Variants in MARCHF1 observed in about 807,000 individuals in gnomAD.
MARCHF1 encodes the protein membrane associated ring-CH-type finger 1.
In MARCHF1, 40 loss-of-function variants were observed where a neutral mutation model predicts 54.2. The observed-to-expected ratio is 0.74, with a 90% CI of 0.57 to 0.96. MARCHF1 has a LOEUF of 0.96. Ranked by LOEUF, MARCHF1 falls within the 40% of genes least tolerant of loss-of-function variation. MARCHF1 has a pLI of 0.00. For synonymous variants in MARCHF1, 236 were observed against 236.3 expected, an observed-to-expected ratio of 1.00 and a Z score of 0.01; for missense variants, 586 against 656.5, an observed-to-expected ratio of 0.89 and a Z score of 1.17.
chr4:164,179,744 ACTCTC>A (rs1579599881), intron 1 of MARCHF1, among the ~76,000 whole-genome samples: 4 of 151,726 alleles, frequency 2.6e-5, no homozygotes, highest in East Asian at 1.9e-4. Flanking sequence ...GTAGTTAATT[ACTCTC>A]CATCTGGCAA....
At chr4:164,074,616 A>G (rs1161107232) in intron 2 of MARCHF1, among the ~76,000 whole-genome samples, 5 of 152,164 alleles carry the variant, frequency 3.3e-5, no homozygotes, top group Non-Finnish European at 7.3e-5. Flanking sequence ...AATAAAGAAA[A>G]TGAAATACCA....
intron 1 of MARCHF1, among the ~76,000 whole-genome samples, chr4:164,138,679 C>T (rs1756456333): frequency 6.6e-6 from 1 of 152,110 alleles, no homozygotes; most frequent in African/African-American, 2.4e-5. Context: ...CCTCTACTTG[C>T]CTTGGTGATC....
At chr4:163,780,745 T>C (rs909492468) in intron 4 of MARCHF1, among the ~76,000 whole-genome samples, 2 of 152,212 alleles carry the variant, frequency 1.3e-5, no homozygotes, top group African/African-American at 4.8e-5. Context: ...CAAATAAACT[T>C]TTCTTCTTCT....
At chr4:163,602,970 CA>C (rs1171269194) in intron 7 of MARCHF1, among the ~76,000 whole-genome samples, 1 of 152,008 alleles carries the variant, frequency 6.6e-6, no homozygotes, top group Non-Finnish European at 1.5e-5. Flanking sequence ...AACTTTCTCA[CA>C]ATTAGAGACT....
At chr4:164,121,479 A>G (rs553629505) in intron 1 of MARCHF1, among the ~76,000 whole-genome samples, 2 of 152,206 alleles carry the variant, frequency 1.3e-5, no homozygotes, top group East Asian at 1.9e-4. Context: ...GTGCTGAGCA[A>G]AGGGGGAAAA....
At position 164,199,895 on chromosome 4, in the gene MARCHF1, G is replaced by C. The variant is rs111405876; in HGVS notation, c.-322-88233C>G. On this transcript the variant is annotated intron_variant, in intron 1 of 9. Transcript: ENST00000514618. ...TATGTCTTCAGTCTTTGCTCCCATG[G>C]CACAGTACTTCTAACTGTGTGCTCC... Among the ~76,000 whole-genome samples, 753 of 152,188 alleles carry C rather than the reference G, an allele frequency of 4.9e-3. 12 individuals are homozygous for C. The highest frequency in any genetic ancestry group is 0.017 in the African/African-American group (725 of 41,538).
intron 1 of MARCHF1, among the ~76,000 whole-genome samples, chr4:164,152,305 A>C (rs1729964224): frequency 6.6e-6 from 1 of 152,150 alleles, no homozygotes; most frequent in Non-Finnish European, 1.5e-5. Flanking sequence ...ATTGTATTTC[A>C]TCATTTCTTA....
intron 1 of MARCHF1, among the ~76,000 whole-genome samples, chr4:164,184,614 A>T (rs890661156): frequency 2.0e-5 from 3 of 152,246 alleles, no homozygotes; most frequent in Non-Finnish European, 4.4e-5. Context: ...ATTAGTTGAT[A>T]AAGACTCATA....
intron 2 of MARCHF1, among the ~76,000 whole-genome samples, chr4:164,029,322 G>A (rs2110987887): frequency 6.6e-6 from 1 of 152,186 alleles, no homozygotes; most frequent in Non-Finnish European, 1.5e-5. Context: ...GCCAGAGCAG[G>A]AGGGAGAGAG....
intron 2 of MARCHF1, among the ~76,000 whole-genome samples, chr4:164,094,402 G>T (rs1287396243): frequency 1.3e-5 from 2 of 152,108 alleles, no homozygotes; most frequent in Non-Finnish European, 2.9e-5. Flanking sequence ...AGTTCAAGGT[G>T]CAGCCAAGTT....
At chr4:164,297,933 A>T (rs1734452756) in intron 1 of MARCHF1, among the ~76,000 whole-genome samples, 1 of 152,328 alleles carries the variant, frequency 6.6e-6, no homozygotes, top group South Asian at 2.1e-4. Flanking sequence ...GATATCATGA[A>T]TCTCCTCAAT....
chr4:163,609,791 A>G (rs115175321), intron 7 of MARCHF1, among the ~76,000 whole-genome samples: 1 of 151,876 alleles, frequency 6.6e-6, no homozygotes, highest in Non-Finnish European at 1.5e-5. Flanking sequence ...AAATGGGCTG[A>G]GGGAAGCACA....
At chr4:163,800,828 T>G (rs556401632) in intron 4 of MARCHF1, among the ~76,000 whole-genome samples, 13 of 152,184 alleles carry the variant, frequency 8.5e-5, no homozygotes, top group African/African-American at 3.1e-4. Flanking sequence ...TAAACTTCCA[T>G]CAGGGGAAAG....
chr4:163,900,148 C>G (rs181977007), intron 3 of MARCHF1, among the ~76,000 whole-genome samples: 4 of 152,146 alleles, frequency 2.6e-5, no homozygotes, highest in Admixed American at 2.0e-4. Context: ...TCCATTCTCA[C>G]TGGAATACGA....
chr4:163,555,122 T>C (rs1254800178), intron 8 of MARCHF1, among the ~76,000 whole-genome samples: 1 of 152,250 alleles, frequency 6.6e-6, no homozygotes, highest in African/African-American at 2.4e-5. Context: ...AAAATGTTTG[T>C]ATATCTGTCC....
intron 3 of MARCHF1, among the ~76,000 whole-genome samples, chr4:163,924,694 G>A (rs1751500765): frequency 6.6e-6 from 1 of 151,884 alleles, no homozygotes; most frequent in South Asian, 2.1e-4. Context: ...TAGGGATAGA[G>A]AGGATAAGAA....
At chr4:163,720,505 A>C (rs527577286) in intron 4 of MARCHF1, among the ~76,000 whole-genome samples, 1 of 152,292 alleles carries the variant, frequency 6.6e-6, no homozygotes, top group Admixed American at 6.5e-5. Flanking sequence ...TGTCTTGGCA[A>C]TGTGGGCTCT....
chr4:164,318,849 G>A (rs6819781), intron 1 of MARCHF1, among the ~76,000 whole-genome samples: 19,461 of 152,112 alleles, frequency 0.13, 1,506 homozygotes, highest in African/African-American at 0.21. Flanking sequence ...AATTTAATAT[G>A]AGAATACTAA....
intron 1 of MARCHF1, among the ~76,000 whole-genome samples, chr4:164,339,980 G>A (rs1729866582): frequency 6.6e-6 from 1 of 151,972 alleles, no homozygotes; most frequent in South Asian, 2.1e-4. Flanking sequence ...TAACTTCCTA[G>A]ATATACACAA....
Sources: gnomAD v4.1 joint callset for allele counts (sites outside exome capture counted in the v4.1 genomes callset) on GRCh38, gnomAD v4.1.1 for gene constraint, MANE v1.5 for transcripts, NCBI Gene and HGNC (gene_info 2026-07-23, HGNC 2026-07-21) for gene names.